The following SLIT3 variants were observed in gnomAD, a reference collection of about 807,000 sequenced individuals.
The protein encoded by SLIT3 is slit homolog 3 protein.
A neutral mutation model predicts 184.0 loss-of-function variants in SLIT3; 68 were observed. That is an observed-to-expected ratio of 0.37 (90% confidence interval 0.30 to 0.45). The LOEUF is 0.45. Ranked by LOEUF, SLIT3 falls within the 20% of genes least tolerant of loss-of-function variation. The pLI, the probability that SLIT3 is intolerant of heterozygous loss-of-function variation, is 1.00. For synonymous variants in SLIT3, 831 were observed against 828.6 expected (o/e 1.00, Z -0.05); for missense variants, 1,707 against 2,026.0 (o/e 0.84, Z 3.02).
intron 14 of SLIT3, among the ~76,000 whole-genome samples, chr5:168,766,196 G>T (rs998501836): frequency 6.6e-6 from 1 of 152,190 alleles, no homozygotes; most frequent in Non-Finnish European, 1.5e-5. Context: ...TAAATTCATT[G>T]TTATCTGATC....
At position 168,902,397 on chromosome 5, in the gene SLIT3, C is replaced by T. The variant is rs146074104; in HGVS notation, c.414-19061G>A. ...CAGATAAGCGTTTATACTTTTGTTA[C>T]GTGCTGTAAAGAAGTACAAGATGTT... On this transcript the variant is annotated intron_variant, in intron 4 of 35. Transcript: ENST00000519560. 2.8e-3 allele frequency among the ~76,000 whole-genome samples: 425 copies of T among 152,252 alleles called. 5 individuals carry two copies. The highest frequency in any genetic ancestry group is 9.7e-3 in the African/African-American group (403 of 41,540).
chr5:168,870,630 G>C (rs1183800545), intron 5 of SLIT3, among the ~76,000 whole-genome samples: 1 of 152,164 alleles, frequency 6.6e-6, no homozygotes, highest in East Asian at 1.9e-4. Flanking sequence ...CTTCCTGGTG[G>C]AAGATGGCCT....
intron 9 of SLIT3, among the ~76,000 whole-genome samples, chr5:168,801,750 A>G (rs539702586): frequency 2.3e-4 from 35 of 152,108 alleles, no homozygotes; most frequent in South Asian, 4.1e-4. Flanking sequence ...GGGTGCAGTG[A>G]GAACGGTGCC....
At chr5:168,846,844 A>C (rs2113719061) in intron 5 of SLIT3, among the ~76,000 whole-genome samples, 1 of 152,326 alleles carries the variant, frequency 6.6e-6, no homozygotes, top group South Asian at 2.1e-4. Context: ...GAGACTCTAC[A>C]TGTACAGAAT....
chr5:169,054,687 C>T (rs534998282), intron 4 of SLIT3, among the ~76,000 whole-genome samples: 111 of 152,308 alleles, frequency 7.3e-4, no homozygotes, highest in Non-Finnish European at 1.3e-3. Context: ...TCTGCCTCTC[C>T]TACAGGGAAT....
Position 169,042,891 on chromosome 5 carries a change from G to A in SLIT3, c.413+150588C>T, listed in dbSNP as rs1406716272. Among the ~76,000 whole-genome samples the A allele has an allele frequency of 3.3e-5, 5 of 151,874 alleles. No homozygotes were observed. In the East Asian group the frequency reaches 9.6e-4, roughly 29 times the overall value. On this transcript the variant is annotated intron_variant, in intron 4 of 35. Coordinates refer to ENST00000519560, the MANE Select transcript of SLIT3 (RefSeq NM_003062.4). ...AAACGATCTGTCCATTTACAAAAGA[G>A]GGCTTACTATCGGCTTCCTTAAAAA...
At chr5:169,209,411 G>T (rs1279185754) in intron 3 of SLIT3, among the ~76,000 whole-genome samples, 2 of 152,132 alleles carry the variant, frequency 1.3e-5, no homozygotes, top group Non-Finnish European at 2.9e-5. Context: ...CAAGGATCTA[G>T]AACCAGATTT....
chr5:169,155,938 C>T (rs1285056040), intron 4 of SLIT3, among the ~76,000 whole-genome samples: 1 of 152,184 alleles, frequency 6.6e-6, no homozygotes, highest in African/African-American at 2.4e-5. Context: ...GAGCAGTGCT[C>T]CATAACAAAA....
chr5:169,006,376 G>A (rs1755927957), intron 4 of SLIT3, among the ~76,000 whole-genome samples: 1 of 152,086 alleles, frequency 6.6e-6, no homozygotes, highest in Admixed American at 6.5e-5. Context: ...CATATGGCTG[G>A]TTCCTTCATC....
At chr5:168,756,972 A>T (rs923814509) in intron 16 of SLIT3, among the ~76,000 whole-genome samples, 1 of 152,192 alleles carries the variant, frequency 6.6e-6, no homozygotes, top group East Asian at 1.9e-4. Context: ...GAAGGAGAGT[A>T]AAAAAGAGGG....
In SLIT3 at chr5:168,724,425, A is replaced by G. The variant is rs1385438577; in HGVS notation, c.2330T>C (p.Leu777Pro). The change falls in exon 21 of 36, where the codon CTG (leucine) becomes CCG (proline). Residue 777 changes from leucine to proline, a missense_variant. Around this residue, in one of 3 missense-constraint regions of SLIT3, gnomAD observed 1,307 missense variants for 1,511.6 expected, o/e 0.86. Coordinates refer to ENST00000519560, the MANE Select transcript of SLIT3 (RefSeq NM_003062.4). ...VPRELSALRH[L>P]TLIDLSNNSI... ...ATACTGGGCTCCTTACATAAGCGTC[A>G]GGTGTCGGAGGGCGGACAGCTCTCT... 6.2e-7 allele frequency: 1 copy of G among 1,612,402 alleles called. No homozygotes were observed. The highest frequency in any genetic ancestry group is 8.5e-7 in the Non-Finnish European group (1 of 1,178,992).
intron 10 of SLIT3, among the ~76,000 whole-genome samples, chr5:168,792,578 A>T (rs1380806386): frequency 6.6e-6 from 1 of 152,202 alleles, no homozygotes; most frequent in Non-Finnish European, 1.5e-5. Flanking sequence ...AAGGTCATGC[A>T]GGGAATATAA....
chr5:168,694,589 C>G (rs906617228), intron 28 of SLIT3, among the ~76,000 whole-genome samples: 2 of 152,280 alleles, frequency 1.3e-5, no homozygotes, highest in Admixed American at 1.3e-4. Flanking sequence ...TTCTCTCTCT[C>G]TCTGTCTCTC....
intron 32 of SLIT3, among the ~76,000 whole-genome samples, chr5:168,674,411 C>T (rs1004416992): frequency 4.6e-5 from 7 of 151,410 alleles, no homozygotes; most frequent in South Asian, 2.1e-4. Flanking sequence ...TTCAGATTTT[C>T]GGATTAGAGA....
At chr5:169,012,915 T>A (rs943689646) in intron 4 of SLIT3, 3 of 152,274 alleles carry the variant, frequency 2.0e-5, no homozygotes, top group African/African-American at 7.2e-5. Context: ...AGGCTCACTT[T>A]CTGCGTCTAT....
At chr5:169,136,743 GA>G (rs1373051011) in intron 4 of SLIT3, among the ~76,000 whole-genome samples, 1 of 152,188 alleles carries the variant, frequency 6.6e-6, no homozygotes, top group Non-Finnish European at 1.5e-5. Context: ...TTCTGGCTAG[GA>G]GGAGGTTGTG....
At chr5:169,151,756 T>G (rs1235306243) in intron 4 of SLIT3, among the ~76,000 whole-genome samples, 1 of 152,200 alleles carries the variant, frequency 6.6e-6, no homozygotes, top group South Asian at 2.1e-4. Flanking sequence ...AGGCCTGCCT[T>G]CCTCATCGAG....
intron 1 of SLIT3, among the ~76,000 whole-genome samples, chr5:169,260,324 G>C (rs1766118429): frequency 6.6e-6 from 1 of 152,116 alleles, no homozygotes; most frequent in African/African-American, 2.4e-5. Context: ...CTCAGTTTCA[G>C]TTATGCACTC....
intron 4 of SLIT3, among the ~76,000 whole-genome samples, chr5:169,115,874 C>A (rs150413006): frequency 1.3e-5 from 2 of 152,302 alleles, no homozygotes; most frequent in Non-Finnish European, 2.9e-5. Flanking sequence ...CATGGAAGGC[C>A]ACCCCCACTT....
Sources: gnomAD v4.1 joint callset for allele counts (sites outside exome capture counted in the v4.1 genomes callset) on GRCh38, gnomAD v4.1.1 for gene constraint, gnomAD v4.1.1 regional missense constraint, MANE v1.5 for transcripts, NCBI Gene and HGNC (gene_info 2026-07-23, HGNC 2026-07-21) for gene names.